The following OR52I2 variants were observed in gnomAD, a reference collection of about 807,000 sequenced individuals.
OR52I2 encodes olfactory receptor 52I2.
For synonymous variants in OR52I2, 147 were observed against 151.9 expected, an observed-to-expected ratio of 0.97 and a Z score of 0.24; for missense variants, 350 against 402.4, an observed-to-expected ratio of 0.87 and a Z score of 1.11.
chr11:4,586,658 A>G, intron 1 of OR52I2: 1 of 654,874 alleles, frequency 1.5e-6, no homozygotes, highest in Non-Finnish European at 2.6e-6. Context: ...AAAGGAGGTA[A>G]GCCATGAGCT....
intron 1 of OR52I2, among the ~76,000 whole-genome samples, chr11:4,583,554 T>C (rs1287262284): frequency 6.6e-6 from 1 of 152,214 alleles, no homozygotes; most frequent in African/African-American, 2.4e-5. Context: ...GAATTTTCTT[T>C]CACTCTTTAC....
exon 2 of OR52I2, chr11:4,587,159 G>A (rs764806515): frequency 6.2e-7 from 1 of 1,614,202 alleles, no homozygotes; most frequent in East Asian, 2.2e-5. Context: ...AGCATCTTCT[G>A]CTCAGGAGAC....
At chr11:4,591,593 T>A (rs1456556437) in exon 2 of OR52I2, 1 of 152,216 alleles carries the variant, frequency 6.6e-6, no homozygotes, top group East Asian at 1.9e-4. Flanking sequence ...CTTGAGATTC[T>A]AAGTCCAGGT....
exon 2 of OR52I2, chr11:4,591,344 G>A (rs1207369682): frequency 6.6e-6 from 1 of 152,156 alleles, no homozygotes; most frequent in Non-Finnish European, 1.5e-5. Context: ...TTTCAGGAGA[G>A]GCACAGGAAG....
At chr11:4,586,507 A>G (rs1361447867) in intron 1 of OR52I2, among the ~76,000 whole-genome samples, 2 of 152,210 alleles carry the variant, frequency 1.3e-5, no homozygotes, top group Admixed American at 1.3e-4. Context: ...AACAAGAGAC[A>G]TACACCTTAA....
exon 2 of OR52I2, chr11:4,588,894 G>A (rs1024648537): frequency 6.6e-6 from 1 of 152,184 alleles, no homozygotes; most frequent in African/African-American, 2.4e-5. Flanking sequence ...GCTACTTCAG[G>A]AGGTTTTGAA....
At chr11:4,592,746 T>C (rs1178382033) in exon 2 of OR52I2, 1 of 152,218 alleles carries the variant, frequency 6.6e-6, no homozygotes, top group Non-Finnish European at 1.5e-5. Context: ...TTACATATTA[T>C]ATGATATGGT....
intron 1 of OR52I2, among the ~76,000 whole-genome samples, chr11:4,584,701 T>C (rs997178184): frequency 3.3e-5 from 5 of 152,204 alleles, no homozygotes; most frequent in Non-Finnish European, 7.3e-5. Context: ...ACTTGAGAAC[T>C]GATCTATAAT....
exon 2 of OR52I2, chr11:4,592,662 A>C (rs1017813752): frequency 1.3e-5 from 2 of 152,220 alleles, no homozygotes; most frequent in African/African-American, 4.8e-5. Flanking sequence ...GAGAGTAACT[A>C]AACAGCTATC....
exon 2 of OR52I2, chr11:4,592,040 G>A (rs960522172): frequency 7.9e-5 from 12 of 152,284 alleles, no homozygotes; most frequent in Admixed American, 3.9e-4. Flanking sequence ...AGGATGAGCT[G>A]CTTTTTACTT....
Position 4,586,575 on chromosome 11 carries a change from C to T in OR52I2, c.-19-297C>T, listed in dbSNP as rs11819978. On this transcript the variant is annotated intron_variant, in intron 1 of 1. Coordinates refer to ENST00000641896, the Ensembl canonical transcript of OR52I2. ...ATGATCAATTTAGTCTCTGAGGTCA[C>T]GATGGGAGATTGTATGAAAGCTCAG... 8.1e-3 allele frequency among the ~76,000 whole-genome samples: 1,229 copies of T among 151,928 alleles called. 28 individuals are homozygous for T. The highest frequency in any genetic ancestry group is 0.029 in the African/African-American group (1,198 of 41,420).
exon 2 of OR52I2, chr11:4,591,961 C>T (rs1309455855): frequency 6.6e-6 from 1 of 152,186 alleles, no homozygotes; most frequent in Non-Finnish European, 1.5e-5. Flanking sequence ...ACTTGTTGTG[C>T]ACAGCCACTG....
At chr11:4,585,571 G>A (rs1303808796) in intron 1 of OR52I2, among the ~76,000 whole-genome samples, 3 of 152,188 alleles carry the variant, frequency 2.0e-5, no homozygotes, top group African/African-American at 7.2e-5. Context: ...AAGAGGCAAT[G>A]GATGGTGAAT....
exon 2 of OR52I2, chr11:4,587,571 G>A: frequency 6.2e-7 from 1 of 1,614,030 alleles, no homozygotes; most frequent in Non-Finnish European, 8.5e-7. Flanking sequence ...TAATTCTCAA[G>A]GCAGTATTTG....
At chr11:4,586,398 T>A (rs1037884216) in intron 1 of OR52I2, among the ~76,000 whole-genome samples, 3 of 152,246 alleles carry the variant, frequency 2.0e-5, no homozygotes, top group African/African-American at 7.2e-5. Flanking sequence ...TTATCCTTCA[T>A]TCTGTGGAAA....
exon 2 of OR52I2, chr11:4,589,478 G>A (rs1846334802): frequency 6.6e-6 from 1 of 152,216 alleles, no homozygotes; most frequent in Non-Finnish European, 1.5e-5. Flanking sequence ...TGGGCTGATG[G>A]AGTCTGAAGG....
exon 2 of OR52I2, chr11:4,591,787 G>A (rs943379024): frequency 6.6e-6 from 1 of 152,148 alleles, no homozygotes; most frequent in South Asian, 2.1e-4. Context: ...AGCTATGCTT[G>A]GCTTTCTTAT....
At chr11:4,589,933 T>C (rs1846338646) in exon 2 of OR52I2, 1 of 152,108 alleles carries the variant, frequency 6.6e-6, no homozygotes, top group African/African-American at 2.4e-5. Flanking sequence ...GAATCATGAG[T>C]TGTTGAAATT....
At chr11:4,587,899 A>G (rs1487941217) in exon 2 of OR52I2, 1 of 1,552,050 alleles carries the variant, frequency 6.4e-7, no homozygotes, top group Non-Finnish European at 8.8e-7. Context: ...CCAATTTCAA[A>G]GATGCCTTAG....
Sources: gnomAD v4.1 joint callset for allele counts (sites outside exome capture counted in the v4.1 genomes callset) on GRCh38, gnomAD v4.1.1 for gene constraint, MANE v1.5 for transcripts, NCBI Gene and HGNC (gene_info 2026-07-23, HGNC 2026-07-21) for gene names.